IFIH1: variants seen among roughly 807,000 people sequenced by gnomAD.
IFIH1 encodes the protein interferon-induced helicase C domain-containing protein 1.
Under a neutral mutation model 107.4 loss-of-function variants are expected in IFIH1, and 125 were observed. The observed-to-expected ratio is 1.16, with a 90% confidence interval of 1.01 to 1.35. The LOEUF is 1.35. Among genes scored for constraint, IFIH1 ranks in the 40% most tolerant of loss-of-function variants. The probability of loss-of-function intolerance (pLI) is 0.00; values close to 1 mark genes in which losing one functional copy is unlikely to be tolerated. For missense variants in IFIH1, 1,333 were observed against 1,213.7 expected, an observed-to-expected ratio of 1.10 and a Z score of -1.46; for synonymous variants, 458 against 413.2, an observed-to-expected ratio of 1.11 and a Z score of -1.31.
intron 5 of IFIH1, among the ~76,000 whole-genome samples, chr2:162,286,394 G>C (rs1317040531): frequency 2.0e-5 from 3 of 151,796 alleles, no homozygotes; most frequent in Non-Finnish European, 4.4e-5. Flanking sequence ...CTTGTTAGTA[G>C]GGGGACCTCC....
At chr2:162,300,707 G>T (rs1683178004) in intron 3 of IFIH1, among the ~76,000 whole-genome samples, 1 of 152,158 alleles carries the variant, frequency 6.6e-6, no homozygotes, top group Non-Finnish European at 1.5e-5. Flanking sequence ...AAGTAAAGGA[G>T]TGCTCTTACT....
intron 4 of IFIH1, among the ~76,000 whole-genome samples, chr2:162,290,128 G>A (rs749621337): frequency 1.2e-4 from 18 of 151,706 alleles, no homozygotes; most frequent in Non-Finnish European, 2.2e-4. Flanking sequence ...GTTTGATCTA[G>A]GAAGTTTGTT....
Position 162,318,267 on chromosome 2 carries a change from A to C in IFIH1, c.41T>G (p.Leu14Arg), listed in dbSNP as rs752235975. The change falls in exon 1 of 16, where the codon CTC becomes CGC. Residue 14 changes from leucine (L) to arginine (R), a missense_variant. Leu to Arg is a moderately radical substitution (Grantham distance 102). Coordinates refer to ENST00000649979, the MANE Select transcript of IFIH1 (RefSeq NM_022168.4). The stretch of plus-strand genomic sequence containing the variant: ...CACCCTGGCCCTGAAGCACGAGATG[A>C]GATAGCGGAAATTCTCGTCTGTGGA... The part of the protein sequence containing the change: ...GYSTDENFRY[L>R]ISCFRARVKM... 6.8e-6 allele frequency: 11 copies of C among 1,613,872 alleles called. No individual in the cohort carries two copies. The highest frequency in any genetic ancestry group is 9.3e-6 in the Non-Finnish European group (11 of 1,179,952).
intron 7 of IFIH1, 97 bp downstream of exon 7, chr2:162,281,231 C>G: frequency 1.2e-6 from 1 of 866,634 alleles, no homozygotes; most frequent in Non-Finnish European, 1.8e-6. Flanking sequence ...AACTGATGAT[C>G]ACAGCACTTG....
rs1576237286 is a variant in IFIH1 at position 162,306,460 on chromosome 2, T to C, written c.769+249A>G. Among the ~76,000 whole-genome samples the C allele has an allele frequency of 2.0e-5, 3 of 152,350 alleles. No individual in the cohort carries two copies. In the South Asian group the frequency reaches 6.2e-4, roughly 32 times the overall value. ...TCTTATACTTATCTTACAATGACTA[T>C]GGATTTCTTATAAATTAAAATTAGA... On this transcript the variant is annotated intron_variant, in intron 3 of 15. Coordinates refer to ENST00000649979, the MANE Select transcript of IFIH1 (RefSeq NM_022168.4).
chr2:162,273,925 ATG>A lies in IFIH1; in HGVS notation c.2322_2323del (p.Ile775Ter), dbSNP rs1171412952. The A allele has an allele frequency of 1.9e-6, 3 of 1,604,492 alleles. No homozygotes were observed. The highest frequency in any genetic ancestry group is 2.6e-6 in the Non-Finnish European group (3 of 1,173,068). The stretch of plus-strand genomic sequence containing the variant: ...TATTTTTCCAGTGCGAAATTTACTA[ATG>A]ACTTCTTTTTGTTCATTCTGTAGAA... On this transcript the variant is annotated frameshift_variant, in exon 12 of 16. Coordinates refer to ENST00000649979, the MANE Select transcript of IFIH1 (RefSeq NM_022168.4). LOFTEE classifies it high-confidence loss of function.
chr2:162,275,229 C>A (rs373696818), intron 11 of IFIH1, among the ~76,000 whole-genome samples: 1 of 152,190 alleles, frequency 6.6e-6, no homozygotes, highest in Non-Finnish European at 1.5e-5. Flanking sequence ...TGGCACACAG[C>A]CCCTTGGTTT....
rs753380568 is a variant in IFIH1 at position 162,306,748 on chromosome 2, A to G, written c.730T>C (p.Ser244Pro). 23 of 1,613,916 alleles carry G rather than the reference A, an allele frequency of 1.4e-5. No homozygotes were observed. Among genetic ancestry groups the G allele is most frequent in the Non-Finnish European group, 1.9e-5 (22 of 1,179,868 alleles). ...EKEVWGMENN[S>P]SESSFADSSV... ...GAATCTGCAAAAGATGATTCTGATG[A>G]GTTATTCTCCATGCCCCAGACCTCC... The change falls in exon 3 of 16, where the codon TCA (serine) becomes CCA (proline). Residue 244 changes from serine (S) to proline (P), a missense_variant. Physicochemically the swap from Ser to Pro is moderately conservative, Grantham distance 74. Coordinates refer to ENST00000649979, the MANE Select transcript of IFIH1 (RefSeq NM_022168.4).
chr2:162,318,113 G>A lies in IFIH1; in HGVS notation c.195C>T (p.Thr65=), dbSNP rs202187917. ...CAAGGTGCCAGACTCCCTTCTCCAA[G>A]GTGCTCAGCAGCAGTTCAACTGCCT... ...NMQAVELLLS[T]LEKGVWHLGW... Residue 65 remains threonine, a synonymous_variant, in exon 1 of 16, where the codon ACC becomes ACT. Transcript: ENST00000649979. 2 of 1,614,196 alleles carry A rather than the reference G, an allele frequency of 1.2e-6. No homozygotes were observed. The highest frequency in any genetic ancestry group is 1.7e-5 in the Admixed American group (1 of 60,032).
At chr2:162,293,532 T>A in intron 4 of IFIH1, 32 bp downstream of exon 4, 1 of 1,422,598 alleles carries the variant, frequency 7.0e-7, no homozygotes, top group African/African-American at 1.4e-5. Flanking sequence ...TATTTCACAC[T>A]TTTTAAGGTT....
Position 162,276,734 on chromosome 2 carries a change from G to T in IFIH1, c.2257C>A (p.His753Asn), listed in dbSNP as rs753965202. Residue 753 changes from histidine to asparagine, a missense_variant, in exon 11 of 16, where the codon CAT (histidine) becomes AAT (asparagine). By Grantham distance (68) the His-to-Asn change is moderately conservative (BLOSUM62 1). Coordinates refer to ENST00000649979, the MANE Select transcript of IFIH1 (RefSeq NM_022168.4). ...KFAEVGVKAH[H>N]LIGAGHSSEF... ...CTGCTGTGTCCAGCTCCAATCAGATGGTGGGCTTTGACTCCTACTTCAGCA... is the reference window on the plus strand; with the variant it reads ...CTGCTGTGTCCAGCTCCAATCAGATTGTGGGCTTTGACTCCTACTTCAGCA... The T allele has an allele frequency of 2.5e-6, 4 of 1,613,944 alleles. No individual in the cohort carries two copies. In the South Asian group the frequency reaches 3.3e-5, roughly 13 times the overall value.
Position 162,267,491 on chromosome 2 carries a change from G to T in IFIH1, c.2886C>A (p.Cys962Ter), listed in dbSNP as rs1423577496. ...ADYQINGEII[C>*]KCGQAWGTMM... is the part of the protein sequence containing the mutation. Reference sequence around the variant, plus strand: ...GCAATTTACTCACCTGGCCACATTTGCAGATGATTTCACCATTTATTTGAT... The same window carrying T: ...GCAATTTACTCACCTGGCCACATTTTCAGATGATTTCACCATTTATTTGAT... The change falls in exon 15 of 16, where the codon TGC (cysteine) becomes TGA (stop). Residue 962 changes from cysteine (C) to a stop codon, truncating the protein, a stop_gained. Coordinates refer to ENST00000649979, the MANE Select transcript of IFIH1 (RefSeq NM_022168.4). LOFTEE classifies it high-confidence loss of function. The T allele has an allele frequency of 2.5e-6, 4 of 1,613,710 alleles. No homozygotes were observed. The highest frequency in any genetic ancestry group is 3.4e-6 in the Non-Finnish European group (4 of 1,179,572).
In IFIH1 at chr2:162,277,604, T is replaced by C. The variant is rs375482697; in HGVS notation, c.1855A>G (p.Met619Val). The change falls in exon 10 of 16, where the codon ATG becomes GTG. Residue 619 changes from methionine to valine, a missense_variant. Transcript: ENST00000649979. ...TCAAGATGAGTATACGCATCTATCA[T>C]TCGAATTGTGTCATTAATTTGTAGG... ...EALQINDTIRMIDAYTHLETF... is the reference protein window; with the variant it reads ...EALQINDTIRVIDAYTHLETF... 6 of 1,613,182 alleles carry C rather than the reference T, an allele frequency of 3.7e-6. No homozygotes were observed. The highest frequency in any genetic ancestry group is 5.1e-6 in the Non-Finnish European group (6 of 1,179,434).
chr2:162,293,004 G>A (rs77885976), intron 4 of IFIH1, among the ~76,000 whole-genome samples: 3,053 of 151,798 alleles, frequency 0.02, 112 homozygotes, highest in African/African-American at 0.071. Context: ...TATTGCTGGT[G>A]GAATATACAA....
At chr2:162,297,373 T>C (rs568173815) in intron 3 of IFIH1, among the ~76,000 whole-genome samples, 26 of 152,266 alleles carry the variant, frequency 1.7e-4, no homozygotes, top group African/African-American at 6.3e-4. Context: ...ATGGAGTTAA[T>C]TGGAGGCAGG....
intron 1 of IFIH1, 139 bp downstream of exon 1, chr2:162,317,716 G>T: frequency 2.9e-6 from 2 of 678,970 alleles, no homozygotes; most frequent in Non-Finnish European, 5.1e-6. Flanking sequence ...GTCTTAAAGT[G>T]CCTAGATGTT....
chr2:162,270,579 C>G (rs1010771909), intron 13 of IFIH1, among the ~76,000 whole-genome samples: 4 of 151,990 alleles, frequency 2.6e-5, no homozygotes, highest in African/African-American at 7.3e-5. Context: ...CAAAGGAGAC[C>G]TAAAAATATA....
chr2:162,294,304 A>G (rs1683048255), intron 3 of IFIH1, among the ~76,000 whole-genome samples: 1 of 151,990 alleles, frequency 6.6e-6, no homozygotes, highest in African/African-American at 2.4e-5. Context: ...ATGGATGAAT[A>G]GCAGTGCACA....
At chr2:162,298,452 T>C (rs1683133868) in intron 3 of IFIH1, among the ~76,000 whole-genome samples, 1 of 152,160 alleles carries the variant, frequency 6.6e-6, no homozygotes, top group African/African-American at 2.4e-5. Flanking sequence ...GACAAGGTCT[T>C]TAGTCCAATT....
Sources: gnomAD v4.1 joint callset for allele counts (sites outside exome capture counted in the v4.1 genomes callset) on GRCh38, gnomAD v4.1.1 for gene constraint, MANE v1.5 for transcripts, NCBI Gene and HGNC (gene_info 2026-07-23, HGNC 2026-07-21) for gene names.